The following ANO1 variants were observed in gnomAD, a reference collection of about 807,000 sequenced individuals.
ANO1 encodes the protein anoctamin-1.
Under a neutral mutation model 124.0 loss-of-function variants are expected in ANO1, and 59 were observed. The observed-to-expected ratio is 0.48, with a 90% confidence interval of 0.39 to 0.59. The LOEUF (loss-of-function observed/expected upper bound fraction) is 0.59. Ranked by LOEUF, ANO1 falls within the 20% of genes least tolerant of loss-of-function variation. ANO1 has a pLI of 0.00. For synonymous variants in ANO1, 529 were observed against 532.0 expected (o/e 0.99, Z 0.08); for missense variants, 1,059 against 1,328.0 (o/e 0.80, Z 3.15).
At chr11:70,149,270 C>G (rs1565250424) in intron 11 of ANO1, among the ~76,000 whole-genome samples, 1 of 152,210 alleles carries the variant, frequency 6.6e-6, no homozygotes, top group African/African-American at 2.4e-5. Context: ...TCTTGCCTCA[C>G]AGGATTGGCG....
At chr11:69,981,899 A>G (rs1056902238), upstream of ANO1, among the ~76,000 whole-genome samples, 1 of 152,258 alleles carries the variant, frequency 6.6e-6, no homozygotes, top group Non-Finnish European at 1.5e-5. Flanking sequence ...ATGTGGAGCA[A>G]ACTCCAAACA....
intron 1 of ANO1, among the ~76,000 whole-genome samples, chr11:70,013,406 T>C (rs1856636325): frequency 6.6e-6 from 1 of 152,112 alleles, no homozygotes; most frequent in Non-Finnish European, 1.5e-5. Context: ...AAGGAGGTTT[T>C]GATTGAATCT....
intron 23 of ANO1, 80 bp from the exon 24 acceptor site, chr11:70,182,422 T>G: frequency 8.1e-7 from 1 of 1,241,898 alleles, no homozygotes; most frequent in Non-Finnish European, 1.1e-6. Context: ...AGTGTAACTG[T>G]GGATGGGTCA....
At chr11:70,165,063 C>T (rs1164150604) in intron 19 of ANO1, among the ~76,000 whole-genome samples, 1 of 152,130 alleles carries the variant, frequency 6.6e-6, no homozygotes, top group Non-Finnish European at 1.5e-5. Context: ...GTTAGCCGGG[C>T]TGTGTTCCCT....
chr11:70,040,669 T>A (rs1857169125), intron 1 of ANO1, among the ~76,000 whole-genome samples: 1 of 152,156 alleles, frequency 6.6e-6, no homozygotes, highest in African/African-American at 2.4e-5. Flanking sequence ...AGCGAGACTC[T>A]GTCTCAAATA....
At chr11:70,115,952 G>A (rs915161983) in intron 7 of ANO1, among the ~76,000 whole-genome samples, 2 of 152,066 alleles carry the variant, frequency 1.3e-5, no homozygotes, top group African/African-American at 2.4e-5. Flanking sequence ...TTTGCTTCTC[G>A]GAGCCTCAGT....
chr11:70,177,179 C>T (rs992665470), intron 22 of ANO1, among the ~76,000 whole-genome samples: 1 of 152,244 alleles, frequency 6.6e-6, no homozygotes, highest in Middle Eastern at 3.2e-3. Context: ...CGGCCCTGAA[C>T]TCAGGAGCCA....
At chr11:70,050,328 T>C (rs1433133375) in intron 1 of ANO1, among the ~76,000 whole-genome samples, 1 of 152,134 alleles carries the variant, frequency 6.6e-6, no homozygotes, top group African/African-American at 2.4e-5. Flanking sequence ...GGCTGCAGGA[T>C]TGGAGGGCCA....
At chr11:70,106,027 C>T (rs1184570271) in intron 5 of ANO1, among the ~76,000 whole-genome samples, 1 of 152,116 alleles carries the variant, frequency 6.6e-6, no homozygotes, top group Non-Finnish European at 1.5e-5. Context: ...AGGAGGGAAG[C>T]CAGACCCCTG....
At chr11:70,156,183 C>T (rs1054865918) in intron 15 of ANO1, among the ~76,000 whole-genome samples, 195 bp downstream of exon 15, 3 of 141,920 alleles carry the variant, frequency 2.1e-5, no homozygotes, top group African/African-American at 7.9e-5. Context: ...TCTGCGGTGG[C>T]GGGGACGGGG....
upstream of ANO1, among the ~76,000 whole-genome samples, chr11:69,981,920 A>C (rs1855963092): frequency 6.6e-6 from 1 of 152,264 alleles, no homozygotes; most frequent in South Asian, 2.1e-4. Flanking sequence ...TAATGAAAGA[A>C]GCCAGACACG....
rs1457885956 is a variant in ANO1, at chr11:70,020,766, G to A, written c.58+34600G>A. On this transcript the variant is annotated intron_variant, in intron 1 of 27. Transcript: ENST00000531349. Reference sequence around the variant, plus strand: ...AGTTTAGACCCAGGGGGCAGACTTAGAGGAAGCCTCCCAGAGGTGTCTCAG... The same window carrying A: ...AGTTTAGACCCAGGGGGCAGACTTAAAGGAAGCCTCCCAGAGGTGTCTCAG... The A allele has an allele frequency of 5.2e-5, 8 of 152,416 alleles. No individual in the cohort carries two copies. In the East Asian group the frequency reaches 1.5e-3, roughly 29 times the overall value. The allele number at this position is 152,416 out of a possible 1,614,324, so 9.4% of individuals were successfully genotyped here.
chr11:70,168,492 C>G (rs1020685701), intron 21 of ANO1, among the ~76,000 whole-genome samples: 2 of 152,104 alleles, frequency 1.3e-5, no homozygotes, highest in African/African-American at 4.8e-5. Flanking sequence ...CTGTCTCCCC[C>G]CGGTAGGACG....
At chr11:70,009,805 A>G (rs1856557094) in intron 1 of ANO1, among the ~76,000 whole-genome samples, 1 of 152,030 alleles carries the variant, frequency 6.6e-6, no homozygotes, top group South Asian at 2.1e-4. Flanking sequence ...TTTTGGGGGA[A>G]CAGGTGGTGT....
intron 7 of ANO1, 106 bp from the exon 8 acceptor site, chr11:70,116,352 G>C: frequency 8.6e-7 from 1 of 1,156,302 alleles, no homozygotes; most frequent in Non-Finnish European, 1.3e-6. Context: ...ATCTTAATTT[G>C]TGTCAACGAG....
chr11:70,058,695 A>C (rs1857496593), intron 1 of ANO1, among the ~76,000 whole-genome samples: 1 of 152,234 alleles, frequency 6.6e-6, no homozygotes, highest in Non-Finnish European at 1.5e-5. Flanking sequence ...GACAGGCGCT[A>C]ATTCTGAGAA....
At chr11:70,158,966 C>T (rs567740585) in intron 16 of ANO1, among the ~76,000 whole-genome samples, 43 of 152,150 alleles carry the variant, frequency 2.8e-4, no homozygotes, top group African/African-American at 8.9e-4. Flanking sequence ...GGGAGATAAC[C>T]GGAGCCTCCC....
the ANO1 span, among the ~76,000 whole-genome samples, chr11:69,974,337 A>T: frequency 6.6e-6 from 1 of 152,176 alleles, no homozygotes; most frequent in African/African-American, 2.4e-5. Flanking sequence ...AATAATAACA[A>T]TAATAACAAT....
chr11:70,162,209 C>T lies in ANO1; in HGVS notation c.1892+476C>T, dbSNP rs182686345. Among the ~76,000 whole-genome samples the T allele has an allele frequency of 6.7e-3, 980 of 146,392 alleles. 4 individuals carry two copies. The highest frequency in any genetic ancestry group is 0.01 in the Non-Finnish European group (685 of 66,622). On this transcript the variant is annotated intron_variant, in intron 18 of 25. Transcript: ENST00000355303. ...GACCCCAGACAGTGCAGACCCCGGG[C>T]AGTGGGGACCCCAGGCAGTGAGGAC...
Sources: gnomAD v4.1 joint callset for allele counts (sites outside exome capture counted in the v4.1 genomes callset) on GRCh38, gnomAD v4.1.1 for gene constraint, MANE v1.5 for transcripts, NCBI Gene and HGNC (gene_info 2026-07-23, HGNC 2026-07-21) for gene names.